Variants in AGBL1 observed in about 807,000 individuals in gnomAD.
AGBL1 encodes the protein cytosolic carboxypeptidase 4.
AGBL1 carries 130 observed loss-of-function variants against 118.9 expected under a neutral mutation model. The ratio of observed to expected loss-of-function variants is 1.09; its 90% confidence interval spans 0.95 to 1.26. AGBL1 has a LOEUF of 1.26. Among genes scored for constraint, AGBL1 ranks in the 50% most tolerant of loss-of-function variants. The probability of loss-of-function intolerance (pLI) is 0.00; values close to 1 mark genes in which losing one functional copy is unlikely to be tolerated. For missense variants in AGBL1, 1,584 were observed against 1,298.1 expected (o/e 1.22, Z -3.38); for synonymous variants, 555 against 478.9 (o/e 1.16, Z -2.08).
chr15:86,889,250 C>T (rs549561598), intron 22 of AGBL1, among the ~76,000 whole-genome samples: 2 of 147,970 alleles, frequency 1.4e-5, no homozygotes, highest in Admixed American at 1.4e-4. Flanking sequence ...ATTAGGGTGG[C>T]GATACCGCTT....
At chr15:86,463,827 G>C (rs989185318) in intron 18 of AGBL1, among the ~76,000 whole-genome samples, 1 of 152,178 alleles carries the variant, frequency 6.6e-6, no homozygotes, top group African/African-American at 2.4e-5. Context: ...GTTCCATGCT[G>C]TTTTGGTTAC....
chr15:86,838,941 TAAAAAAAAAAAAA>T (rs386383698), intron 22 of AGBL1, among the ~76,000 whole-genome samples: 1 of 48,006 alleles, frequency 2.1e-5, no homozygotes, highest in African/African-American at 9.0e-5. Context: ...TGAGATCCTG[TAAAAAAAAAAAAA>T]AAAAAAAAAA....
chr15:86,129,312 C>G (rs1037945866), intron 1 of AGBL1, among the ~76,000 whole-genome samples: 3 of 152,098 alleles, frequency 2.0e-5, no homozygotes, highest in Admixed American at 1.3e-4. Flanking sequence ...TCTGACTGGT[C>G]TTGTATCTGA....
intron 22 of AGBL1, among the ~76,000 whole-genome samples, chr15:86,888,745 A>G (rs986440688): frequency 2.0e-5 from 3 of 152,152 alleles, no homozygotes; most frequent in African/African-American, 4.8e-5. Flanking sequence ...ATTCATGTCT[A>G]TGTACCTCTA....
At chr15:86,295,461 T>C (rs2079620231) in intron 17 of AGBL1, 53 bp downstream of exon 17, 2 of 1,501,526 alleles carry the variant, frequency 1.3e-6, no homozygotes, top group African/African-American at 1.4e-5. Flanking sequence ...GTGTCCTTTA[T>C]AGTCTTGGAA....
intron 21 of AGBL1, among the ~76,000 whole-genome samples, chr15:86,561,166 T>A (rs2083813579): frequency 1.3e-5 from 2 of 152,204 alleles, no homozygotes; most frequent in Admixed American, 1.3e-4. Flanking sequence ...CAATTTTGGC[T>A]TTTGTTGCCA....
At chr15:86,233,270 A>T (rs1452009527) in intron 6 of AGBL1, among the ~76,000 whole-genome samples, 1 of 152,236 alleles carries the variant, frequency 6.6e-6, no homozygotes, top group Non-Finnish European at 1.5e-5. Flanking sequence ...TTGCTAGTTT[A>T]AATCTTACCA....
chr15:86,214,315 T>C (rs2078149898), intron 5 of AGBL1, among the ~76,000 whole-genome samples: 1 of 152,234 alleles, frequency 6.6e-6, no homozygotes, highest in Non-Finnish European at 1.5e-5. Flanking sequence ...CATAGGTACA[T>C]TTGACTTATA....
intron 22 of AGBL1, among the ~76,000 whole-genome samples, chr15:86,751,628 T>A (rs1037551839): frequency 6.6e-6 from 1 of 152,150 alleles, no homozygotes; most frequent in East Asian, 1.9e-4. Flanking sequence ...CCAAGTCACA[T>A]TGATCAGTGT....
intron 21 of AGBL1, among the ~76,000 whole-genome samples, chr15:86,609,219 G>T (rs562361861): frequency 4.3e-4 from 65 of 152,102 alleles, no homozygotes; most frequent in Non-Finnish European, 6.9e-4. Context: ...TTCCTCTTGA[G>T]GAGTACTAGA....
At chr15:86,607,315 T>G (rs1376074875) in intron 21 of AGBL1, among the ~76,000 whole-genome samples, 3 of 152,190 alleles carry the variant, frequency 2.0e-5, no homozygotes, top group African/African-American at 7.2e-5. Context: ...CTTTTTACTT[T>G]CCAAATCTTT....
chr15:86,428,464 C>T (rs2081894152), intron 18 of AGBL1, among the ~76,000 whole-genome samples: 1 of 152,230 alleles, frequency 6.6e-6, no homozygotes, highest in Non-Finnish European at 1.5e-5. Flanking sequence ...ACACGGACTT[C>T]TTTAACTTCC....
At position 86,247,659 on chromosome 15, in the gene AGBL1, C is replaced by A. The variant is rs376303737; in HGVS notation, c.527-12C>A. The A allele has an allele frequency of 3.1e-6, 5 of 1,588,052 alleles. No homozygotes were observed. In the African/African-American group the frequency reaches 6.7e-5, roughly 21 times the overall value. Reference sequence around the variant, plus strand: ...AGCCTGTGACTGACCCTGCCTTTCCCTTTGTTTTCAGAGTCGAACGGCCGC... The same window carrying A: ...AGCCTGTGACTGACCCTGCCTTTCCATTTGTTTTCAGAGTCGAACGGCCGC... On this transcript the variant is annotated splice_polypyrimidine_tract_variant and intron_variant, in intron 6 of 22. Transcript: ENST00000614907.
At chr15:86,147,179 C>T (rs1030327772) in intron 3 of AGBL1, among the ~76,000 whole-genome samples, 1 of 152,182 alleles carries the variant, frequency 6.6e-6, no homozygotes, top group Admixed American at 6.5e-5. Flanking sequence ...CTCCGGTCTG[C>T]AGCAACTAGC....
chr15:86,863,037 G>A (rs1468800999), intron 22 of AGBL1, among the ~76,000 whole-genome samples: 1 of 152,170 alleles, frequency 6.6e-6, no homozygotes, highest in Non-Finnish European at 1.5e-5. Context: ...GTCCAGGGAA[G>A]CACGTGCTAC....
intron 23 of AGBL1, among the ~76,000 whole-genome samples, chr15:86,922,396 T>C (rs2080490036): frequency 6.6e-6 from 1 of 152,188 alleles, no homozygotes; most frequent in Admixed American, 6.5e-5. Flanking sequence ...GTTCAAGAAA[T>C]TCTCCTCTCT....
chr15:86,689,391 T>C (rs1227411950), intron 22 of AGBL1, among the ~76,000 whole-genome samples: 1 of 152,124 alleles, frequency 6.6e-6, no homozygotes, highest in Non-Finnish European at 1.5e-5. Context: ...GTATAATCCA[T>C]GGGAGAAGGA....
intron 5 of AGBL1, among the ~76,000 whole-genome samples, chr15:86,219,422 C>T (rs2078242960): frequency 1.3e-5 from 2 of 152,148 alleles, no homozygotes; most frequent in South Asian, 4.1e-4. Flanking sequence ...CTTTATCTCA[C>T]TCTTCACACC....
At chr15:86,862,180 A>G (rs2079568354) in intron 22 of AGBL1, among the ~76,000 whole-genome samples, 1 of 152,202 alleles carries the variant, frequency 6.6e-6, no homozygotes, top group Non-Finnish European at 1.5e-5. Flanking sequence ...TACGCAGAGT[A>G]ACTGCTTGAG....
Sources: allele counts gnomAD v4.1 joint callset (sites outside exome capture counted in the v4.1 genomes callset), GRCh38; gene constraint gnomAD v4.1.1; transcripts MANE v1.5; gene names NCBI Gene and HGNC (gene_info 2026-07-23, HGNC 2026-07-21).